The following GLIS2 variants were observed in gnomAD, a reference collection of about 807,000 sequenced individuals.
The protein encoded by GLIS2 is GLIS family zinc finger 2.
GLIS2 carries 14 observed loss-of-function variants against 35.6 expected under a neutral mutation model. That is an observed-to-expected ratio of 0.39 (90% CI 0.26 to 0.61). GLIS2 has a LOEUF of 0.61. Among genes scored for constraint, GLIS2 ranks in the 20% least tolerant of loss-of-function variants. GLIS2 has a pLI of 0.48. For synonymous variants in GLIS2, 368 were observed against 325.1 expected (o/e 1.13, Z -1.42); for missense variants, 675 against 713.4 (o/e 0.95, Z 0.61).
In GLIS2 at chr16:4,339,299, CGGA is replaced by C. The variant is rs1314335871; in HGVS notation, c.*1779_*1781del. 3 of 152,626 alleles carry C rather than the reference CGGA, an allele frequency of 2.0e-5. No individual in the cohort carries two copies. The highest frequency in any genetic ancestry group is 2.0e-4 in the Admixed American group (3 of 15,334). The allele number at this position is 152,626 out of a possible 1,614,324, so 9.5% of individuals were successfully genotyped here. On this transcript the variant is annotated 3_prime_UTR_variant, in exon 7 of 7. Coordinates refer to ENST00000433375, the MANE Select transcript of GLIS2 (RefSeq NM_032575.3). ...TCATGGGTTTGCGACTTGAGCAGAG[CGGA>C]GGAACAGGGCACTGGAAGGCCGACG...
In GLIS2 at chr16:4,339,205, C is replaced by G. The variant is rs531411276; in HGVS notation, c.*1681C>G. ...TAGGAGGGAGCTGGTCTCCTTTCTT[C>G]GGGCCCCACCCAGGCCCTGAGCACC... On this transcript the variant is annotated 3_prime_UTR_variant, in exon 7 of 7. Coordinates refer to ENST00000433375, the MANE Select transcript of GLIS2 (RefSeq NM_032575.3). 6.5e-6 allele frequency: 1 copy of G among 152,698 alleles called. No homozygotes were observed. The highest frequency in any genetic ancestry group is 1.5e-5 in the Non-Finnish European group (1 of 68,190). The allele number at this position is 152,698 out of a possible 1,614,324, so 9.5% of individuals were successfully genotyped here.
At chr16:4,329,897 G>A in intron 1 of GLIS2, among the ~76,000 whole-genome samples, 1 of 152,336 alleles carries the variant, frequency 6.6e-6, no homozygotes, top group East Asian at 1.9e-4. Context: ...AAAGATTGCT[G>A]CTCTGAATGT....
intron 1 of GLIS2, among the ~76,000 whole-genome samples, chr16:4,330,623 C>T (rs2053488286): frequency 6.6e-6 from 1 of 152,240 alleles, no homozygotes; most frequent in Non-Finnish European, 1.5e-5. Flanking sequence ...GGCTACCTGC[C>T]GGCCATTTCA....
At chr16:4,333,200 G>C in intron 2 of GLIS2, 147 bp from the exon 3 acceptor site, 1 of 863,888 alleles carries the variant, frequency 1.2e-6, no homozygotes, top group Non-Finnish European at 1.9e-6. Flanking sequence ...ACACCTGTCA[G>C]CTCCACAGGC....
chr16:4,318,163 G>A (rs1386498779), intron 1 of GLIS2, among the ~76,000 whole-genome samples: 1 of 152,192 alleles, frequency 6.6e-6, no homozygotes, highest in Non-Finnish European at 1.5e-5. Flanking sequence ...ATTGGCTGGA[G>A]CCCAGTCACA....
At chr16:4,327,635 T>C (rs1434180919) in intron 1 of GLIS2, among the ~76,000 whole-genome samples, 1 of 151,898 alleles carries the variant, frequency 6.6e-6, no homozygotes, top group Non-Finnish European at 1.5e-5. Context: ...GGGCACACAA[T>C]AGCAGCCATT....
At chr16:4,316,551 A>G (rs551131461) in intron 1 of GLIS2, among the ~76,000 whole-genome samples, 3 of 151,668 alleles carry the variant, frequency 2.0e-5, no homozygotes, top group East Asian at 2.0e-4. Flanking sequence ...GGCGGGCGCA[A>G]ACTTCAGCTG....
intron 1 of GLIS2, among the ~76,000 whole-genome samples, chr16:4,324,104 C>A (rs2053405847): frequency 1.3e-5 from 2 of 152,218 alleles, no homozygotes; most frequent in Admixed American, 1.3e-4. Flanking sequence ...GGCTGGGTCA[C>A]CTCGGACCCC....
At chr16:4,319,099 A>T (rs1378482644) in intron 1 of GLIS2, among the ~76,000 whole-genome samples, 3 of 152,116 alleles carry the variant, frequency 2.0e-5, no homozygotes, top group Non-Finnish European at 4.4e-5. Flanking sequence ...TCTGGCACCT[A>T]AGGAGGAAAT....
At chr16:4,317,955 C>T (rs2053333549) in intron 1 of GLIS2, among the ~76,000 whole-genome samples, 1 of 152,170 alleles carries the variant, frequency 6.6e-6, no homozygotes, top group Admixed American at 6.5e-5. Context: ...GTGTTAAATC[C>T]CTCCAGCTGG....
rs1351322784 is a variant in GLIS2 at position 4,332,731 on chromosome 16, G to A, written c.172+279G>A. ...GGGCAACCAGGCATTCAGAAGGAGC[G>A]GCAGTAGTCCCAGGACCTGCACCCT... On this transcript the variant is annotated intron_variant, in intron 2 of 6. Transcript: ENST00000433375. This position sits in a 1 kb window ranked among gnomAD's most constrained non-coding sequence, Gnocchi z 5.4. Among the ~76,000 whole-genome samples, 3 of 152,206 alleles carry A rather than the reference G, an allele frequency of 2.0e-5. No homozygotes were observed. The highest frequency in any genetic ancestry group is 7.2e-5 in the African/African-American group (3 of 41,448).
chr16:4,332,384 C>G lies in GLIS2; in HGVS notation c.104C>G (p.Ala35Gly), dbSNP rs530966005. 1 of 1,613,010 alleles carries G rather than the reference C, an allele frequency of 6.2e-7. No individual in the cohort carries two copies. The highest frequency in any genetic ancestry group is 1.3e-5 in the African/African-American group (1 of 75,050). ...ERTLGVVRPR[A>G]LHRELGLVDD... is the part of the protein sequence containing the mutation. ...ACGCTGGGTGTGGTCCGGCCCCGTG[C>G]TCTGCACAGGGAGCTGGGCCTGGTG... Residue 35 changes from alanine to glycine, a missense_variant, in exon 2 of 7, where the codon GCT (alanine) becomes GGT (glycine). Around this residue, in one of 3 missense-constraint regions of GLIS2, gnomAD observed 225 missense variants for 238.7 expected, o/e 0.94. Coordinates refer to ENST00000433375, the MANE Select transcript of GLIS2 (RefSeq NM_032575.3). The surrounding 1 kb of genome is among the most constrained non-coding windows in gnomAD (Gnocchi z 5.4).
chr16:4,317,309 C>T (rs1299462546), intron 1 of GLIS2, among the ~76,000 whole-genome samples: 3 of 152,138 alleles, frequency 2.0e-5, no homozygotes, highest in African/African-American at 2.4e-5. Flanking sequence ...AAGGCCTGGG[C>T]TTGGTCTGGG....
At chr16:4,333,692 G>A (rs1232959618) in intron 3 of GLIS2, among the ~76,000 whole-genome samples, 173 bp downstream of exon 3, 1 of 152,186 alleles carries the variant, frequency 6.6e-6, no homozygotes, top group Non-Finnish European at 1.5e-5. Context: ...CCTCTCTCCT[G>A]CCTTCTGGCA....
chr16:4,334,526 C>A (rs2053529643), intron 3 of GLIS2, among the ~76,000 whole-genome samples: 1 of 152,122 alleles, frequency 6.6e-6, no homozygotes, highest in South Asian at 2.1e-4. Context: ...GCGTGAGCCA[C>A]CGCACCTGGC....
Position 4,332,914 on chromosome 16 carries a change from G to A in GLIS2, c.173-433G>A, listed in dbSNP as rs746443931. Among the ~76,000 whole-genome samples, 24 of 152,282 alleles carry A rather than the reference G, an allele frequency of 1.6e-4. No individual in the cohort carries two copies. In the East Asian group the frequency reaches 3.3e-3, roughly 21 times the overall value. On this transcript the variant is annotated intron_variant, in intron 2 of 6. Transcript: ENST00000433375. The surrounding 1 kb of genome is among the most constrained non-coding windows in gnomAD (Gnocchi z 5.4). ...GAGTCACCCGAAAACCAGATTCACC[G>A]CTTGTCTGAAGGGGAAGGCTATGGG...
At chr16:4,330,493 G>A (rs995164033) in intron 1 of GLIS2, among the ~76,000 whole-genome samples, 4 of 152,182 alleles carry the variant, frequency 2.6e-5, no homozygotes, top group Admixed American at 6.5e-5. Flanking sequence ...GCGACCCAGC[G>A]CCCTGGGGCT....
At chr16:4,314,978 G>C (rs1349671499), upstream of GLIS2, 1 of 152,300 alleles carries the variant, frequency 6.6e-6, no homozygotes, top group East Asian at 1.9e-4. Context: ...CGAGTCTGTG[G>C]TTCAACACGA....
intron 2 of GLIS2, among the ~76,000 whole-genome samples, chr16:4,333,117 C>T (rs1596240361): frequency 6.6e-6 from 1 of 152,318 alleles, no homozygotes; most frequent in Admixed American, 6.5e-5. Context: ...AAAGCGGGCA[C>T]TTCCCCCCTC....
Sources: gnomAD v4.1 joint callset for allele counts (sites outside exome capture counted in the v4.1 genomes callset) on GRCh38, gnomAD v4.1.1 for gene constraint, gnomAD v4.1.1 regional missense constraint, Gnocchi (gnomAD v3.1) non-coding constraint, MANE v1.5 for transcripts, NCBI Gene and HGNC (gene_info 2026-07-23, HGNC 2026-07-21) for gene names.